CCDC85A: variants seen among roughly 807,000 people sequenced by gnomAD.
CCDC85A encodes the protein coiled-coil domain containing 85A, also known as coiled-coil domain-containing protein 85A.
Under a neutral mutation model 50.2 loss-of-function variants are expected in CCDC85A, and 38 were observed. The observed-to-expected ratio is 0.76, with a 90% CI of 0.58 to 0.99. The LOEUF is 0.99. Among genes scored for constraint, CCDC85A ranks in the 50% least tolerant of loss-of-function variants. The probability of loss-of-function intolerance (pLI) is 0.00; values close to 1 mark genes in which losing one functional copy is unlikely to be tolerated. For missense variants in CCDC85A, 820 were observed against 742.0 expected (o/e 1.11, Z -1.22); for synonymous variants, 366 against 301.4 (o/e 1.21, Z -2.22).
intron 2 of CCDC85A, among the ~76,000 whole-genome samples, chr2:56,319,932 A>C (rs1673092917): frequency 6.6e-6 from 1 of 152,184 alleles, no homozygotes; most frequent in South Asian, 2.1e-4. Context: ...AATTATAGCA[A>C]ACTGTCTCTC....
chr2:56,361,086 T>C (rs1359344419), intron 3 of CCDC85A, among the ~76,000 whole-genome samples: 1 of 152,194 alleles, frequency 6.6e-6, no homozygotes, highest in East Asian at 1.9e-4. Context: ...ACCCCATCTC[T>C]ACTAAAAATG....
At chr2:56,368,157 A>C (rs932935804) in intron 3 of CCDC85A, among the ~76,000 whole-genome samples, 2 of 152,202 alleles carry the variant, frequency 1.3e-5, no homozygotes, top group Non-Finnish European at 2.9e-5. Context: ...TGAATAAATG[A>C]ATGACTATAC....
At chr2:56,308,471 A>G (rs1308886765) in intron 2 of CCDC85A, among the ~76,000 whole-genome samples, 1 of 152,192 alleles carries the variant, frequency 6.6e-6, no homozygotes, top group Non-Finnish European at 1.5e-5. Flanking sequence ...TTTTGGATTC[A>G]GAAAAGCTGA....
chr2:56,342,054 T>C (rs1674399265), intron 2 of CCDC85A, among the ~76,000 whole-genome samples: 1 of 151,982 alleles, frequency 6.6e-6, no homozygotes, highest in South Asian at 2.1e-4. Context: ...AATAGTCTTG[T>C]ATATGTAGAA....
chr2:56,269,578 C>G (rs1670609155), intron 2 of CCDC85A, among the ~76,000 whole-genome samples: 2 of 152,098 alleles, frequency 1.3e-5, no homozygotes, highest in South Asian at 4.1e-4. Flanking sequence ...ATTGAGGATT[C>G]ATCAAATTCT....
At chr2:56,205,025 A>G (rs559267910) in intron 2 of CCDC85A, among the ~76,000 whole-genome samples, 1 of 152,256 alleles carries the variant, frequency 6.6e-6, no homozygotes, top group Admixed American at 6.5e-5. Flanking sequence ...CAGACAACAA[A>G]TGGACTGGCC....
intron 2 of CCDC85A, among the ~76,000 whole-genome samples, chr2:56,288,370 C>T (rs1336380188): frequency 1.3e-5 from 2 of 151,570 alleles, no homozygotes; most frequent in Non-Finnish European, 2.9e-5. Context: ...AGCAGAAAAC[C>T]GGGAATGAAT....
At chr2:56,193,552 G>T in intron 2 of CCDC85A, 112 bp downstream of exon 2, 1 of 1,258,920 alleles carries the variant, frequency 7.9e-7, no homozygotes, top group South Asian at 1.6e-5. Context: ...GCTAGGGAGT[G>T]GGTTTGGGGA....
intron 2 of CCDC85A, among the ~76,000 whole-genome samples, chr2:56,231,343 C>A: frequency 6.6e-6 from 1 of 152,184 alleles, no homozygotes; most frequent in South Asian, 2.1e-4. Context: ...CTGGCTCTTG[C>A]ACAGCCTCTT....
At chr2:56,282,871 T>C (rs186563470) in intron 2 of CCDC85A, among the ~76,000 whole-genome samples, 1 of 152,378 alleles carries the variant, frequency 6.6e-6, no homozygotes, top group African/African-American at 2.4e-5. Context: ...CTTTATAGAA[T>C]AGTAGCACTG....
chr2:56,360,972 G>A (rs1487565472), intron 3 of CCDC85A, among the ~76,000 whole-genome samples: 2 of 152,214 alleles, frequency 1.3e-5, no homozygotes, highest in East Asian at 3.8e-4. Flanking sequence ...AGGGAGTAGA[G>A]GCCAGGCGTG....
intron 2 of CCDC85A, among the ~76,000 whole-genome samples, chr2:56,317,716 C>T (rs1672983868): frequency 6.6e-6 from 1 of 152,036 alleles, no homozygotes; most frequent in African/African-American, 2.4e-5. Flanking sequence ...TAGAAGTCTC[C>T]ATTTTGGTTT....
Position 56,384,268 on chromosome 2 carries a change from T to C in CCDC85A, c.1575T>C (p.Val525=). The part of the protein sequence containing the change: ...QPEPVVHSLK[V]VWRKLGDAAG... ...CACTCCTTCTTTTTTTTTTTAAGGT[T>C]GTGTGGAGGAAACTTGGAGATGCTG... The change falls in exon 6 of 6, where the codon GTT becomes GTC. Residue 525 remains valine (V), a splice_region_variant and synonymous_variant. Coordinates refer to ENST00000407595, the MANE Select transcript of CCDC85A (RefSeq NM_001080433.2). The C allele has an allele frequency of 6.2e-7, 1 of 1,610,672 alleles. No homozygotes were observed.
chr2:56,374,882 G>A (rs1019631620), intron 4 of CCDC85A, among the ~76,000 whole-genome samples: 1 of 152,206 alleles, frequency 6.6e-6, no homozygotes, highest in Non-Finnish European at 1.5e-5. Flanking sequence ...TCTTCGGGGT[G>A]TTAGATTGAT....
At chr2:56,376,412 T>C (rs1381964341) in intron 5 of CCDC85A, among the ~76,000 whole-genome samples, 1 of 152,168 alleles carries the variant, frequency 6.6e-6, no homozygotes, top group African/African-American at 2.4e-5. Flanking sequence ...CTCTTCTAAG[T>C]AGAAATTGGG....
intron 2 of CCDC85A, among the ~76,000 whole-genome samples, chr2:56,273,594 G>T (rs1243622104): frequency 6.6e-6 from 1 of 151,902 alleles, no homozygotes; most frequent in Non-Finnish European, 1.5e-5. Context: ...TTTAAAATGT[G>T]TCTTTCATAT....
chr2:56,303,328 A>G (rs1325154393), intron 2 of CCDC85A, among the ~76,000 whole-genome samples: 1 of 152,044 alleles, frequency 6.6e-6, no homozygotes, highest in Non-Finnish European at 1.5e-5. Flanking sequence ...AAAATAGTCA[A>G]AAAGACATAA....
At chr2:56,379,749 G>T in intron 5 of CCDC85A, 1 of 974,172 alleles carries the variant, frequency 1.0e-6, no homozygotes, top group Non-Finnish European at 1.2e-6. Context: ...AACAAATCCA[G>T]GTCTTGGATG....
chr2:56,275,987 T>A (rs936899645), intron 2 of CCDC85A, among the ~76,000 whole-genome samples: 2 of 152,216 alleles, frequency 1.3e-5, no homozygotes, highest in Admixed American at 1.3e-4. Context: ...AGCCTCATGA[T>A]GTTTCCTCAC....
Sources: allele counts gnomAD v4.1 joint callset (sites outside exome capture counted in the v4.1 genomes callset), GRCh38; gene constraint gnomAD v4.1.1; transcripts MANE v1.5; gene names NCBI Gene and HGNC (gene_info 2026-07-23, HGNC 2026-07-21).